Variants in MYO15A observed in about 807,000 individuals in gnomAD.
MYO15A encodes the protein unconventional myosin-XV.
A neutral mutation model predicts 394.6 loss-of-function variants in MYO15A; 308 were observed. The observed-to-expected ratio is 0.78, with a 90% CI of 0.71 to 0.86. The LOEUF (loss-of-function observed/expected upper bound fraction) is 0.86, where lower values mean the gene tolerates loss of function less well. MYO15A is among the 40% of genes least tolerant of loss of function. The probability of loss-of-function intolerance (pLI) is 0.00; values close to 1 mark genes in which losing one functional copy is unlikely to be tolerated. For synonymous variants in MYO15A, 1,957 were observed against 2,003.8 expected (o/e 0.98, Z 0.62); for missense variants, 4,606 against 4,799.1 (o/e 0.96, Z 1.19).
At chr17:18,158,854 T>A in intron 52 of MYO15A, 71 bp from the exon 53 acceptor site, 1 of 1,583,464 alleles carries the variant, frequency 6.3e-7, no homozygotes, top group Non-Finnish European at 8.7e-7. Flanking sequence ...CTGGGGGTTC[T>A]TTCCCATGTG....
chr17:18,110,138 C>G (rs2045703947), intron 1 of MYO15A: 1 of 152,640 alleles, frequency 6.6e-6, no homozygotes. Context: ...TCCCCGCACC[C>G]CCCAGCTGCA....
rs768453845 is a variant in MYO15A, at chr17:18,120,736, G to A, written c.1936G>A (p.Ala646Thr). The A allele has an allele frequency of 1.0e-5, 15 of 1,471,238 alleles. 1 individual carries two copies. The South Asian group carries it at 1.6e-4, about 15-fold the overall frequency. The allele number at this position is 1,471,238 out of a possible 1,614,324, so 91.1% of individuals were successfully genotyped here. The change falls in exon 2 of 66, where the codon GCG becomes ACG. Residue 646 changes from alanine to threonine, a missense_variant. Physicochemically the swap from Ala to Thr is moderately conservative, Grantham distance 58 (BLOSUM62 0). This residue lies in a region of MYO15A where 1,830 missense variants were observed against 1,689.7 expected (regional missense o/e 1.08). Coordinates refer to ENST00000647165, the MANE Select transcript of MYO15A (RefSeq NM_016239.4). ...CAGCAACGACGCGCGCCGCCCGCCC[G>A]CGCCACAGCCCGCGCCCAGGACCCT... ...RSSNDARRPP[A>T]PQPAPRTLSH...
chr17:18,124,470 C>T lies in MYO15A; in HGVS notation c.3610-13C>T. On this transcript the variant is annotated splice_polypyrimidine_tract_variant and intron_variant, in intron 2 of 65. Transcript: ENST00000647165. ...CCTTCAACCTGCAGACACAGCCTCT[C>T]TCTCTCACACAGATGCACTCCATCC... 1 of 1,609,690 alleles carries T rather than the reference C, an allele frequency of 6.2e-7. No individual in the cohort carries two copies. The highest frequency in any genetic ancestry group is 8.5e-7 in the Non-Finnish European group (1 of 1,179,820).
chr17:18,156,760 C>T (rs563772354), intron 48 of MYO15A, among the ~76,000 whole-genome samples, 194 bp from the exon 49 acceptor site: 2 of 152,324 alleles, frequency 1.3e-5, no homozygotes, highest in South Asian at 2.1e-4. Flanking sequence ...ATGTGTGTGC[C>T]CTAAAGTCCA....
intron 62 of MYO15A, among the ~76,000 whole-genome samples, chr17:18,171,255 C>G (rs1444265160): frequency 6.6e-6 from 1 of 152,190 alleles, no homozygotes; most frequent in East Asian, 1.9e-4. Flanking sequence ...GATGTTTCCT[C>G]TCACCCCTCC....
chr17:18,114,938 T>C (rs962363936), intron 1 of MYO15A, among the ~76,000 whole-genome samples: 2 of 152,176 alleles, frequency 1.3e-5, no homozygotes, highest in African/African-American at 4.8e-5. Flanking sequence ...TAGATGCCAA[T>C]GACTCCCTAA....
At chr17:18,143,457 G>GC in intron 25 of MYO15A, 109 bp from the exon 26 acceptor site, 4 of 1,275,384 alleles carry the variant, frequency 3.1e-6, no homozygotes, top group Non-Finnish European at 2.2e-6. Context: ...CAGGCAAGCT[G>GC]CCCCCCTTGC....
intron 65 of MYO15A, among the ~76,000 whole-genome samples, chr17:18,175,041 C>T (rs2142440296): frequency 6.6e-6 from 1 of 151,964 alleles, no homozygotes; most frequent in East Asian, 1.9e-4. Context: ...AGGCCACCTC[C>T]CTGAGCCCCT....
At chr17:18,133,115 C>T (rs1261147999) in intron 11 of MYO15A, 110 bp from the exon 12 acceptor site, 4 of 1,135,028 alleles carry the variant, frequency 3.5e-6, no homozygotes, top group Non-Finnish European at 5.2e-6. Context: ...GAAATGACAG[C>T]TTGAGTGACC....
intron 65 of MYO15A, chr17:18,177,279 G>T (rs947553507): frequency 3.3e-5 from 5 of 152,368 alleles, no homozygotes; most frequent in Admixed American, 2.6e-4. Flanking sequence ...GTATACAGGG[G>T]ACCTGAGCTA....
chr17:18,154,041 G>A, intron 43 of MYO15A, 90 bp from the exon 44 acceptor site: 2 of 1,603,386 alleles, frequency 1.2e-6, no homozygotes, highest in East Asian at 2.2e-5. Flanking sequence ...GGTTACAGCC[G>A]GGGCGGAACT....
rs766481696 is a variant in MYO15A, at chr17:18,157,105, GCT to G, written c.8713+41_8713+42del. On this transcript the variant is annotated intron_variant, in intron 49 of 65. Transcript: ENST00000647165. Reference sequence around the variant, plus strand: ...GGTGGGCTGGGGGCAGGAGGGGGAGGCTGGCCAAGGGGGCCTCCCTGGCAGAT... The same window carrying G: ...GGTGGGCTGGGGGCAGGAGGGGGAGGGGCCAAGGGGGCCTCCCTGGCAGAT... The G allele has an allele frequency of 2.5e-6, 4 of 1,612,250 alleles. No individual in the cohort carries two copies. In the South Asian group the frequency reaches 4.4e-5, roughly 18 times the overall value.
chr17:18,148,988 A>T lies in MYO15A; in HGVS notation c.6956+36A>T. On this transcript the variant is annotated intron_variant, in intron 33 of 65. Coordinates refer to ENST00000647165, the MANE Select transcript of MYO15A (RefSeq NM_016239.4). The surrounding 1 kb of genome is among the most constrained non-coding windows in gnomAD (Gnocchi z 4.8). ...ATGGGGGACCCCCTCACAGATGGCC[A>T]CTCCCAGGCAGAAGGCCGGCCACTC... 1 of 1,553,690 alleles carries T rather than the reference A, an allele frequency of 6.4e-7. No homozygotes were observed. Among genetic ancestry groups the T allele is most frequent in the African/African-American group, 1.4e-5 (1 of 73,310 alleles).
chr17:18,152,474 G>A (rs2046602121), intron 42 of MYO15A, among the ~76,000 whole-genome samples: 2 of 152,162 alleles, frequency 1.3e-5, no homozygotes, highest in Admixed American at 1.3e-4. Flanking sequence ...GCTTGCCTAA[G>A]GTCACACAGC....
chr17:18,148,570 T>A lies in MYO15A; in HGVS notation c.6764+2T>A, dbSNP rs763975867. 197 of 1,551,436 alleles carry A rather than the reference T, an allele frequency of 1.3e-4. No individual in the cohort carries two copies. The highest frequency in any genetic ancestry group is 1.6e-4 in the Non-Finnish European group (187 of 1,147,010). ...GGCTGGAGACATTCTGAGGCACAGG[T>A]TGGCTCCTAGGATGCCCTCCCAGCA... On this transcript the variant is annotated splice_donor_variant, in intron 32 of 65. Coordinates refer to ENST00000647165, the MANE Select transcript of MYO15A (RefSeq NM_016239.4). LOFTEE classifies it high-confidence loss of function. This position sits in a 1 kb window ranked among gnomAD's most constrained non-coding sequence, Gnocchi z 4.8.
At chr17:18,141,187 C>A (rs771505267) in intron 22 of MYO15A, 44 bp downstream of exon 22, 2 of 1,611,000 alleles carry the variant, frequency 1.2e-6, no homozygotes, top group Non-Finnish European at 8.5e-7. Context: ...AATCCCTGCC[C>A]AACTCCCCAT....
At position 18,120,837 on chromosome 17, in the gene MYO15A, G is replaced by GCT. The variant is rs1567623348; in HGVS notation, c.2041_2042dup (p.Ala683ArgfsTer46). The GCT allele has an allele frequency of 8.5e-7, 1 of 1,170,948 alleles. No homozygotes were observed. The allele number at this position is 1,170,948 out of a possible 1,614,324, so 72.5% of individuals were successfully genotyped here. A position where few individuals can be genotyped will look rare whatever the true frequency, so the allele number is the denominator to read the frequency against. On this transcript the variant is annotated frameshift_variant, in exon 2 of 66. Coordinates refer to ENST00000647165, the MANE Select transcript of MYO15A (RefSeq NM_016239.4). LOFTEE classifies it high-confidence loss of function. Reference sequence around the variant, plus strand: ...GCTCCGGGCCCCCGCCCGCGCCGCCGCTCTCCCCGGCGCTCTCGGGCCTGC... The same window carrying GCT: ...GCTCCGGGCCCCCGCCCGCGCCGCCGCTCTCTCCCCGGCGCTCTCGGGCCTGC...
At chr17:18,111,228 G>C (rs2045715859) in intron 1 of MYO15A, among the ~76,000 whole-genome samples, 1 of 151,458 alleles carries the variant, frequency 6.6e-6, no homozygotes, top group African/African-American at 2.4e-5. Flanking sequence ...TCAGCTGCTT[G>C]GGCAGCTGAG....
Position 18,125,004 on chromosome 17 carries a change from C to G in MYO15A, c.3693-164C>G, listed in dbSNP as rs854790. The G allele has an allele frequency of 0.4, 282,698 of 700,828 alleles. 63,245 individuals carry two copies. The highest frequency in any genetic ancestry group is 0.7 in the South Asian group (44,618 of 63,786). The allele number at this position is 700,828 out of a possible 1,614,324, so 43.4% of individuals were successfully genotyped here. ...CATTGGACAAATGAAGAAAAAGGCACAGAATAGGGAAGTAATTTGTCCAAG... is the reference window on the plus strand; with the variant it reads ...CATTGGACAAATGAAGAAAAAGGCAGAGAATAGGGAAGTAATTTGTCCAAG... On this transcript the variant is annotated intron_variant, in intron 3 of 65. Transcript: ENST00000647165.
Sources: gnomAD v4.1 joint callset for allele counts (sites outside exome capture counted in the v4.1 genomes callset) on GRCh38, gnomAD v4.1.1 for gene constraint, gnomAD v4.1.1 regional missense constraint, Gnocchi (gnomAD v3.1) non-coding constraint, MANE v1.5 for transcripts, NCBI Gene and HGNC (gene_info 2026-07-23, HGNC 2026-07-21) for gene names.